Variants in TMEM132C observed in about 807,000 individuals in gnomAD.
TMEM132C encodes transmembrane protein 132C, also known as protein phosphatase 1, regulatory subunit 152.
Under a neutral mutation model 61.4 loss-of-function variants are expected in TMEM132C, and 29 were observed. That is an observed-to-expected ratio of 0.47 (90% CI 0.35 to 0.64). The LOEUF is 0.64. Among genes scored for constraint, TMEM132C ranks in the 30% least tolerant of loss-of-function variants. The pLI is 0.00. For missense variants in TMEM132C, 1,408 were observed against 1,476.9 expected, an observed-to-expected ratio of 0.95 and a Z score of 0.76; for synonymous variants, 656 against 633.1, an observed-to-expected ratio of 1.04 and a Z score of -0.54.
At chr12:128,498,825 G>A (rs1872058810) in intron 2 of TMEM132C, among the ~76,000 whole-genome samples, 2 of 151,748 alleles carry the variant, frequency 1.3e-5, no homozygotes, top group Non-Finnish European at 2.9e-5. Context: ...AGAAACGGAA[G>A]ACTTGTACCC....
At chr12:128,433,338 A>C (rs11059693) in intron 2 of TMEM132C, among the ~76,000 whole-genome samples, 77,302 of 151,980 alleles carry the variant, frequency 0.51, 19,945 homozygotes, top group South Asian at 0.63. Flanking sequence ...GTGTAACTAA[A>C]CAATCCAATA....
intron 2 of TMEM132C, among the ~76,000 whole-genome samples, chr12:128,488,616 A>G (rs1397475904): frequency 6.6e-6 from 1 of 152,052 alleles, no homozygotes; most frequent in Non-Finnish European, 1.5e-5. Context: ...AGCAGAGATC[A>G]TGCCACTGTA....
At chr12:128,674,182 G>T (rs1340878804) in intron 5 of TMEM132C, among the ~76,000 whole-genome samples, 4 of 152,234 alleles carry the variant, frequency 2.6e-5, no homozygotes, top group Non-Finnish European at 4.4e-5. Context: ...TGCCTGCTGT[G>T]GGCATTTCCC....
chr12:128,678,856 G>A (rs1056580657), intron 5 of TMEM132C, among the ~76,000 whole-genome samples: 1 of 152,288 alleles, frequency 6.6e-6, no homozygotes, highest in South Asian at 2.1e-4. Context: ...CAGACACCAC[G>A]GGGTCTCCAG....
intron 4 of TMEM132C, among the ~76,000 whole-genome samples, chr12:128,643,894 C>T (rs1381750898): frequency 1.6e-4 from 25 of 151,776 alleles, no homozygotes; most frequent in Admixed American, 1.6e-3. Context: ...GCTCGATGAA[C>T]TTGAGCCAAA....
chr12:128,675,767 T>C (rs921664158), intron 5 of TMEM132C, among the ~76,000 whole-genome samples: 1 of 152,098 alleles, frequency 6.6e-6, no homozygotes, highest in Non-Finnish European at 1.5e-5. Context: ...AGGTGATTAA[T>C]AGATTATTGG....
intron 7 of TMEM132C, 51 bp from the exon 8 acceptor site, chr12:128,697,173 C>T (rs1954772048): frequency 1.4e-6 from 2 of 1,438,634 alleles, no homozygotes; most frequent in South Asian, 2.8e-5. Flanking sequence ...AAGGGGATAA[C>T]ATCTGGAAAC....
intron 2 of TMEM132C, among the ~76,000 whole-genome samples, chr12:128,486,971 A>G (rs1052928165): frequency 1.3e-5 from 2 of 151,692 alleles, no homozygotes; most frequent in Admixed American, 1.3e-4. Flanking sequence ...GAAAGAAACA[A>G]TGTCAGGAAA....
chr12:128,475,770 C>T (rs1294616960), intron 2 of TMEM132C, among the ~76,000 whole-genome samples: 1 of 152,216 alleles, frequency 6.6e-6, no homozygotes, highest in Non-Finnish European at 1.5e-5. Context: ...ACACTGGCGT[C>T]AGGGTTCTGT....
At chr12:128,667,291 TAATG>T (rs903064490) in intron 4 of TMEM132C, among the ~76,000 whole-genome samples, 3 of 152,196 alleles carry the variant, frequency 2.0e-5, no homozygotes, top group African/African-American at 7.2e-5. Flanking sequence ...TGTACTGCTT[TAATG>T]AAGCCATTAG....
intron 5 of TMEM132C, among the ~76,000 whole-genome samples, chr12:128,688,145 C>T (rs777492316): frequency 6.6e-6 from 1 of 152,202 alleles, no homozygotes; most frequent in African/African-American, 2.4e-5. Context: ...TGGACAGTGG[C>T]CTCTCTCAGC....
chr12:128,538,702 C>T (rs1423694240), intron 2 of TMEM132C, among the ~76,000 whole-genome samples: 3 of 152,224 alleles, frequency 2.0e-5, no homozygotes, highest in East Asian at 3.8e-4. Flanking sequence ...AGGCATATCA[C>T]CGAGTAACGC....
chr12:128,542,108 A>G (rs1593093066), intron 2 of TMEM132C, among the ~76,000 whole-genome samples: 2 of 152,216 alleles, frequency 1.3e-5, no homozygotes, highest in African/African-American at 4.8e-5. Context: ...TGTAACTGTT[A>G]TCACAAACTC....
At chr12:128,549,677 T>A (rs1333776991) in intron 3 of TMEM132C, among the ~76,000 whole-genome samples, 2 of 152,132 alleles carry the variant, frequency 1.3e-5, no homozygotes, top group Non-Finnish European at 2.9e-5. Context: ...CGTGTCGTGC[T>A]CAGCATAGGA....
chr12:128,622,991 C>A (rs936111612), intron 4 of TMEM132C, among the ~76,000 whole-genome samples: 14 of 152,118 alleles, frequency 9.2e-5, no homozygotes, highest in African/African-American at 3.4e-4. Flanking sequence ...CTTGTCACAG[C>A]TGGAAATTTG....
chr12:128,284,383 C>T (rs1167935436), intron 1 of TMEM132C, among the ~76,000 whole-genome samples: 1 of 152,090 alleles, frequency 6.6e-6, no homozygotes, highest in African/African-American at 2.4e-5. Flanking sequence ...TTTGTTAGTC[C>T]TACAACTGGG....
At chr12:128,410,964 C>A (rs1332800591) in intron 1 of TMEM132C, among the ~76,000 whole-genome samples, 1 of 152,170 alleles carries the variant, frequency 6.6e-6, no homozygotes, top group Non-Finnish European at 1.5e-5. Flanking sequence ...TTCATGACCT[C>A]AACATTTTTG....
chr12:128,271,175 A>C (rs1415927920), intron 1 of TMEM132C, among the ~76,000 whole-genome samples: 1 of 151,828 alleles, frequency 6.6e-6, no homozygotes, highest in Admixed American at 6.6e-5. Flanking sequence ...AATTGCTTGA[A>C]TCTGGGAGTT....
intron 1 of TMEM132C, among the ~76,000 whole-genome samples, chr12:128,345,758 G>A (rs1369469674): frequency 6.6e-6 from 1 of 151,916 alleles, no homozygotes; most frequent in East Asian, 1.9e-4. Flanking sequence ...TTTTAATGGG[G>A]TTGTTTGTTT....
Sources: allele counts gnomAD v4.1 joint callset (sites outside exome capture counted in the v4.1 genomes callset), GRCh38; gene constraint gnomAD v4.1.1; transcripts MANE v1.5; gene names NCBI Gene and HGNC (gene_info 2026-07-23, HGNC 2026-07-21).